The following PTP4A1 variants were observed in gnomAD, a reference collection of about 807,000 sequenced individuals.
The protein encoded by PTP4A1 is protein tyrosine phosphatase type IVA 1.
PTP4A1 carries 9 observed loss-of-function variants against 20.5 expected under a neutral mutation model. The ratio of observed to expected loss-of-function variants is 0.44; its 90% CI spans 0.26 to 0.77. PTP4A1 has a LOEUF of 0.77. Among genes scored for constraint, PTP4A1 ranks in the 30% least tolerant of loss-of-function variants. The pLI, the probability that PTP4A1 is intolerant of heterozygous loss-of-function variation, is 0.19. For missense variants in PTP4A1, 137 were observed against 218.8 expected (o/e 0.63, Z 2.36); for synonymous variants, 78 against 67.4 (o/e 1.16, Z -0.77).
intron 3 of PTP4A1, among the ~76,000 whole-genome samples, chr6:63,564,918 A>G (rs1002412814): frequency 6.6e-6 from 1 of 152,246 alleles, no homozygotes; most frequent in Non-Finnish European, 1.5e-5. Context: ...ATAGATTCAT[A>G]ATAAGTCCTT....
chr6:63,521,046 A>T (rs994790941), upstream of PTP4A1, among the ~76,000 whole-genome samples: 6 of 152,090 alleles, frequency 3.9e-5, no homozygotes, highest in African/African-American at 1.4e-4. Flanking sequence ...GAACACATGG[A>T]CACAGGGAGG....
intron 1 of PTP4A1, among the ~76,000 whole-genome samples, chr6:63,523,190 C>A (rs772279887): frequency 9.2e-5 from 14 of 151,730 alleles, no homozygotes; most frequent in Non-Finnish European, 1.8e-4. Context: ...TTTTTTTTTA[C>A]ATCACTCTTA....
chr6:63,539,767 C>CA (rs34729616), intron 2 of PTP4A1, among the ~76,000 whole-genome samples: 3,173 of 128,888 alleles, frequency 0.025, 87 homozygotes, highest in African/African-American at 0.077. Context: ...GACTCTGTCT[C>CA]AAAAAAAAAA....
intron 2 of PTP4A1, among the ~76,000 whole-genome samples, chr6:63,577,982 TCATTCAATG>T: frequency 9.8e-6 from 1 of 102,370 alleles, no homozygotes; most frequent in African/African-American, 6.1e-5. Flanking sequence ...AGTTAAGACT[TCATTCAATG>T]TAAATCAGTA....
At chr6:63,520,823 A>T (rs1774892861), upstream of PTP4A1, among the ~76,000 whole-genome samples, 1 of 152,074 alleles carries the variant, frequency 6.6e-6, no homozygotes, top group South Asian at 2.1e-4. Context: ...TGGTAAAGAG[A>T]TCATTTATTA....
intron 1 of PTP4A1, among the ~76,000 whole-genome samples, chr6:63,573,869 G>A (rs1777668410): frequency 6.6e-6 from 1 of 152,176 alleles, no homozygotes; most frequent in South Asian, 2.1e-4. Context: ...TTTTGGAAGG[G>A]CCCTGGATGG....
At position 63,580,063 on chromosome 6, in the gene PTP4A1, G is replaced by C; in HGVS notation, c.411G>C (p.Arg137=). Residue 137 remains arginine (R), a synonymous_variant, in exon 6 of 6, where the codon CGG becomes CGC. Coordinates refer to ENST00000626021, the MANE Select transcript of PTP4A1 (RefSeq NM_003463.5). ...EDAVQFIRQK[R]RGAFNSKQLL... ...TTTTTTTTTTTCCTCCCAGAAAGCGGCGTGGAGCTTTTAACAGCAAGCAAC... is the reference window on the plus strand; with the variant it reads ...TTTTTTTTTTTCCTCCCAGAAAGCGCCGTGGAGCTTTTAACAGCAAGCAAC... The C allele has an allele frequency of 6.2e-7, 1 of 1,608,732 alleles. No homozygotes were observed. The highest frequency in any genetic ancestry group is 2.2e-5 in the East Asian group (1 of 44,832).
chr6:63,556,474 C>T (rs1268062886), intron 3 of PTP4A1, among the ~76,000 whole-genome samples: 1 of 152,182 alleles, frequency 6.6e-6, no homozygotes, highest in Non-Finnish European at 1.5e-5. Flanking sequence ...AGCCACTATG[C>T]TCTGCCTAAT....
intron 5 of PTP4A1, 43 bp downstream of exon 5, chr6:63,579,374 C>T: frequency 6.9e-7 from 1 of 1,457,710 alleles, no homozygotes; most frequent in Non-Finnish European, 9.4e-7. Context: ...TCTTTCATTT[C>T]CTTGTTGAGT....
At chr6:63,550,311 C>T (rs1776381163) in exon 3 of PTP4A1, 1 of 152,060 alleles carries the variant, frequency 6.6e-6, no homozygotes, top group Admixed American at 6.6e-5. Flanking sequence ...GCAGTGTGCC[C>T]GCCCTCTCTT....
chr6:63,540,860 G>A (rs978092283), intron 2 of PTP4A1, among the ~76,000 whole-genome samples: 7 of 150,930 alleles, frequency 4.6e-5, no homozygotes, highest in African/African-American at 1.5e-4. Flanking sequence ...AAAAATAGCC[G>A]GTCTTGGTGG....
intron 3 of PTP4A1, among the ~76,000 whole-genome samples, chr6:63,564,544 ACTGT>A (rs1186731010): frequency 6.6e-6 from 1 of 152,208 alleles, no homozygotes; most frequent in Non-Finnish European, 1.5e-5. Flanking sequence ...TGCTTAGGTC[ACTGT>A]CTGTCTGGAT....
intron 1 of PTP4A1, chr6:63,573,523 C>T (rs1012999395): frequency 5.3e-5 from 8 of 152,178 alleles, no homozygotes; most frequent in South Asian, 2.1e-4. Flanking sequence ...CGGGCGTGCT[C>T]GGGCGCACAC....
At chr6:63,529,251 A>G (rs1053743858) in intron 2 of PTP4A1, among the ~76,000 whole-genome samples, 1 of 150,972 alleles carries the variant, frequency 6.6e-6, no homozygotes, top group African/African-American at 2.4e-5. Flanking sequence ...TATAATTTAG[A>G]CAGGTGTCTA....
chr6:63,579,512 A>C (rs947513003), intron 5 of PTP4A1, among the ~76,000 whole-genome samples, 181 bp downstream of exon 5: 2 of 152,250 alleles, frequency 1.3e-5, no homozygotes, highest in Admixed American at 6.5e-5. Context: ...TATTACTAAG[A>C]TTCTAATCCA....
At chr6:63,559,458 ATTTC>A (rs1776840663) in intron 3 of PTP4A1, among the ~76,000 whole-genome samples, 1 of 152,174 alleles carries the variant, frequency 6.6e-6, no homozygotes, top group African/African-American at 2.4e-5. Context: ...TAAAAAATGA[ATTTC>A]ACGGCCAGGT....
At position 63,549,609 on chromosome 6, in the gene PTP4A1, A is replaced by G. The variant is rs1776347971; in HGVS notation, c.-639-691A>G. On this transcript the variant is annotated intron_variant, in intron 2 of 3. Coordinates refer to the PTP4A1 transcript ENST00000639568. ...AACCTTTATGTGATATATATACACA[A>G]TGGAATACTAATTATCCATACAAAA... is the stretch of plus-strand genomic sequence containing the variant. The G allele has an allele frequency of 9.4e-6, 5 of 533,372 alleles. No individual in the cohort carries two copies. In the Admixed American group the frequency reaches 1.6e-4, roughly 17 times the overall value. 33.0% of individuals were successfully genotyped at this position (533,372 alleles called of 1,614,324 possible).
intron 2 of PTP4A1, among the ~76,000 whole-genome samples, chr6:63,548,072 A>C (rs1017706246): frequency 1.3e-5 from 2 of 151,988 alleles, no homozygotes; most frequent in Non-Finnish European, 2.9e-5. Context: ...TCCAAAACCC[A>C]CTACTCATCC....
At chr6:63,538,189 T>G (rs531419465) in intron 2 of PTP4A1, among the ~76,000 whole-genome samples, 1 of 152,320 alleles carries the variant, frequency 6.6e-6, no homozygotes, top group South Asian at 2.1e-4. Context: ...TGTTTACCAG[T>G]AGGGAAATGA....
Sources: allele counts gnomAD v4.1 joint callset (sites outside exome capture counted in the v4.1 genomes callset), GRCh38; gene constraint gnomAD v4.1.1; transcripts MANE v1.5; gene names NCBI Gene and HGNC (gene_info 2026-07-23, HGNC 2026-07-21).